The following SCN9A variants were observed in gnomAD, a reference collection of about 807,000 sequenced individuals.
SCN9A encodes sodium channel protein type 9 subunit alpha.
In SCN9A, 131 loss-of-function variants were observed where a neutral mutation model predicts 187.0. That is an observed-to-expected ratio of 0.70 (90% confidence interval 0.61 to 0.81). SCN9A has a LOEUF of 0.81. SCN9A is among the 30% of genes least tolerant of loss of function. SCN9A has a pLI of 0.00. For synonymous variants in SCN9A, 809 were observed against 808.6 expected, an observed-to-expected ratio of 1.00 and a Z score of -0.01; for missense variants, 2,252 against 2,396.6, an observed-to-expected ratio of 0.94 and a Z score of 1.26.
chr2:166,270,193 GAAAATAATTGGAAA>G (rs1179989709), intron 17 of SCN9A, among the ~76,000 whole-genome samples: 2 of 151,622 alleles, frequency 1.3e-5, no homozygotes, highest in African/African-American at 2.4e-5. Flanking sequence ...ACTACAGATG[GAAAATAATTGGAAA>G]AAATAAATAT....
chr2:166,270,683 G>T (rs992872650), intron 17 of SCN9A, among the ~76,000 whole-genome samples: 3 of 150,648 alleles, frequency 2.0e-5, no homozygotes, highest in Non-Finnish European at 4.4e-5. Flanking sequence ...GGAGTGCAGC[G>T]GTGCGATCTT....
At chr2:166,330,593 C>G (rs947461208) in intron 1 of SCN9A, among the ~76,000 whole-genome samples, 1 of 152,152 alleles carries the variant, frequency 6.6e-6, no homozygotes, top group African/African-American at 2.4e-5. Context: ...AGTCCCCAAC[C>G]TTCTTGGAAC....
chr2:166,280,315 A>G (rs1486128380), intron 14 of SCN9A, 42 bp downstream of exon 14: 4 of 1,126,436 alleles, frequency 3.6e-6, no homozygotes, highest in African/African-American at 3.2e-5. Context: ...TGACAACTAA[A>G]AAGAGAAACT....
chr2:166,312,791 T>G (rs2105229248), intron 1 of SCN9A, among the ~76,000 whole-genome samples: 1 of 149,414 alleles, frequency 6.7e-6, no homozygotes, highest in South Asian at 2.1e-4. Context: ...ACATTGTCAA[T>G]AGGCAGTGAT....
At chr2:166,318,120 C>T (rs2105239657) in intron 1 of SCN9A, among the ~76,000 whole-genome samples, 1 of 152,214 alleles carries the variant, frequency 6.6e-6, no homozygotes, top group South Asian at 2.1e-4. Flanking sequence ...CAAGCTATCA[C>T]CAAAAGGATA....
intron 5 of SCN9A, among the ~76,000 whole-genome samples, 185 bp downstream of exon 5, chr2:166,305,607 G>A (rs920120909): frequency 2.6e-5 from 4 of 152,052 alleles, no homozygotes; most frequent in African/African-American, 4.8e-5. Flanking sequence ...CTGAGTGGGA[G>A]ATAGTCTTTT....
chr2:166,324,622 C>T lies in SCN9A; in HGVS notation c.-50-12816G>A, dbSNP rs111884740. The stretch of plus-strand genomic sequence containing the variant: ...TTTAAATCATAGTTAACATCAACAA[C>T]GATAACTCATTGACAATGTGTACCA... On this transcript the variant is annotated intron_variant, in intron 1 of 26. Transcript: ENST00000642356. 2.6e-4 allele frequency among the ~76,000 whole-genome samples: 40 copies of T among 152,174 alleles called. 2 individuals are homozygous for T. The highest frequency in any genetic ancestry group is 7.9e-4 in the African/African-American group (33 of 41,562).
chr2:166,216,672 T>C (rs533446699), intron 24 of SCN9A, among the ~76,000 whole-genome samples: 2 of 152,006 alleles, frequency 1.3e-5, no homozygotes, highest in South Asian at 4.1e-4. Flanking sequence ...TTGAAGTAAA[T>C]TTAACCAGGA....
At chr2:166,375,414 T>C (rs1298026467) in intron 1 of SCN9A, among the ~76,000 whole-genome samples, 2 of 152,196 alleles carry the variant, frequency 1.3e-5, no homozygotes, top group African/African-American at 4.8e-5. Context: ...CTACCCTTCC[T>C]TTCCACAGTT....
At chr2:166,303,057 T>C in intron 7 of SCN9A, 33 bp downstream of exon 7, 3 of 1,425,832 alleles carry the variant, frequency 2.1e-6, no homozygotes, top group Middle Eastern at 1.8e-4. Context: ...TAGCATTATT[T>C]CAACCTAATA....
Position 166,284,647 on chromosome 2 carries a change from G to T in SCN9A, c.1780C>A (p.Pro594Thr). Residue 594 changes from proline to threonine, a missense_variant, in exon 12 of 27, where the codon CCC becomes ACC. This residue lies in a region of SCN9A where 1,013 missense variants were observed against 997.4 expected (regional missense o/e 1.02). Coordinates refer to ENST00000642356, the MANE Select transcript of SCN9A (RefSeq NM_001365536.1). ...ATGTTACTGCTGCGTCGCTCCTGGG[G>T]TCTGTGGGGCACAAACAGTGAGCCC... ...RRGSLFVPHR[P>T]QERRSSNISQ... 6.2e-7 allele frequency: 1 copy of T among 1,613,974 alleles called. No individual in the cohort carries two copies. The highest frequency in any genetic ancestry group is 1.7e-4 in the Middle Eastern group (1 of 6,060).
chr2:166,253,160 A>G (rs1344952639), intron 17 of SCN9A, among the ~76,000 whole-genome samples: 1 of 151,928 alleles, frequency 6.6e-6, no homozygotes, highest in Non-Finnish European at 1.5e-5. Flanking sequence ...TAAATTCTCA[A>G]TGCTATTATT....
chr2:166,265,790 T>A (rs139926080), intron 17 of SCN9A, among the ~76,000 whole-genome samples: 154 of 152,160 alleles, frequency 1.0e-3, no homozygotes, highest in African/African-American at 3.7e-3. Flanking sequence ...AAGATAGGTT[T>A]GATTTGCATT....
At chr2:166,263,140 C>T (rs946081598) in intron 17 of SCN9A, among the ~76,000 whole-genome samples, 3 of 151,958 alleles carry the variant, frequency 2.0e-5, no homozygotes, top group African/African-American at 4.8e-5. Context: ...AGGCCTGACC[C>T]TCTTGCTTTG....
chr2:166,371,123 C>T (rs1700550770), intron 1 of SCN9A, among the ~76,000 whole-genome samples: 1 of 152,118 alleles, frequency 6.6e-6, no homozygotes, highest in Non-Finnish European at 1.5e-5. Flanking sequence ...TTTTTGGCTC[C>T]ATGTTATATC....
chr2:166,371,598 C>T (rs754462186), intron 1 of SCN9A, among the ~76,000 whole-genome samples: 1 of 152,186 alleles, frequency 6.6e-6, no homozygotes, highest in Non-Finnish European at 1.5e-5. Flanking sequence ...CCCACATTCT[C>T]TGGATGCTCT....
intron 12 of SCN9A, 38 bp downstream of exon 12, chr2:166,284,415 G>C: frequency 6.4e-7 from 1 of 1,562,476 alleles, no homozygotes; most frequent in South Asian, 1.2e-5. Flanking sequence ...GCAGGAACAA[G>C]GGCCCAGCCA....
intron 14 of SCN9A, among the ~76,000 whole-genome samples, chr2:166,279,813 A>G (rs530904835): frequency 1.3e-5 from 2 of 152,006 alleles, no homozygotes; most frequent in South Asian, 4.1e-4. Context: ...ATTATAAATA[A>G]TTATTTTATA....
chr2:166,221,296 T>TA (rs532772965), intron 24 of SCN9A, among the ~76,000 whole-genome samples: 3,152 of 151,960 alleles, frequency 0.021, 122 homozygotes, highest in African/African-American at 0.073. Flanking sequence ...TTTACTAAAA[T>TA]AAAAAAAGAT....
Sources: allele counts gnomAD v4.1 joint callset (sites outside exome capture counted in the v4.1 genomes callset), GRCh38; gene constraint gnomAD v4.1.1; regional missense constraint gnomAD v4.1.1; transcripts MANE v1.5; gene names NCBI Gene and HGNC (gene_info 2026-07-23, HGNC 2026-07-21).